The following BANP variants were observed in gnomAD, a reference collection of about 807,000 sequenced individuals.
The protein encoded by BANP is protein BANP.
BANP carries 11 observed loss-of-function variants against 68.1 expected under a neutral mutation model. That is an observed-to-expected ratio of 0.16 (90% CI 0.10 to 0.27). The LOEUF is 0.27. Ranked by LOEUF, BANP falls within the 10% of genes least tolerant of loss-of-function variation. The probability of loss-of-function intolerance (pLI) is 1.00; values close to 1 mark genes in which losing one functional copy is unlikely to be tolerated. For synonymous variants in BANP, 329 were observed against 303.2 expected (o/e 1.09, Z -0.88); for missense variants, 504 against 722.7 (o/e 0.70, Z 3.47).
At chr16:87,964,423 G>A (rs7199429) in intron 1 of BANP, among the ~76,000 whole-genome samples, 98,536 of 152,138 alleles carry the variant, frequency 0.65, 32,384 homozygotes, top group African/African-American at 0.71. Context: ...GCACGTCACC[G>A]TTGCCGAGGC....
At chr16:88,020,956 C>G (rs1009852888) in intron 7 of BANP, among the ~76,000 whole-genome samples, 4 of 152,170 alleles carry the variant, frequency 2.6e-5, no homozygotes, top group African/African-American at 9.7e-5. Flanking sequence ...TTCAGGGAGT[C>G]CATGTAGGGC....
At chr16:87,953,148 AC>A (rs2057325705) in intron 1 of BANP, among the ~76,000 whole-genome samples, 2 of 152,072 alleles carry the variant, frequency 1.3e-5, no homozygotes, top group South Asian at 4.1e-4. Context: ...GCTCAGATTT[AC>A]AGAGCCAGGG....
At chr16:88,050,918 C>T (rs770462317) in intron 11 of BANP, among the ~76,000 whole-genome samples, 20 of 152,280 alleles carry the variant, frequency 1.3e-4, no homozygotes, top group Admixed American at 2.6e-4. Context: ...AACTCCTGCG[C>T]TCAAGCGATC....
intron 12 of BANP, among the ~76,000 whole-genome samples, chr16:88,068,629 G>C (rs2089450737): frequency 6.6e-6 from 1 of 152,160 alleles, no homozygotes; most frequent in Non-Finnish European, 1.5e-5. Flanking sequence ...GCCTCCTCCA[G>C]TGGGCGCCAG....
intron 2 of BANP, 80 bp from the exon 3 acceptor site, chr16:87,980,956 A>T: frequency 2.2e-6 from 2 of 926,672 alleles, no homozygotes; most frequent in South Asian, 2.7e-5. Context: ...AGGTGTCAGC[A>T]CTGTTTACTA....
intron 11 of BANP, 143 bp from the exon 12 acceptor site, chr16:88,065,124 G>A (rs2088144811): frequency 1.9e-6 from 1 of 524,374 alleles, no homozygotes; most frequent in East Asian, 3.2e-5. Flanking sequence ...GGAGGCTCCT[G>A]TGGCTGCCAT....
chr16:87,990,264 A>G (rs896393498), intron 4 of BANP, among the ~76,000 whole-genome samples: 46 of 152,342 alleles, frequency 3.0e-4, no homozygotes, highest in African/African-American at 1.1e-3. Context: ...ATTTTACAAC[A>G]ATTATAAACC....
rs1284635754 is a variant in BANP, at chr16:88,036,635, G to A, written c.1272+1241G>A. 6.6e-6 allele frequency among the ~76,000 whole-genome samples: 1 copy of A among 152,162 alleles called. No homozygotes were observed. The highest frequency in any genetic ancestry group is 2.1e-4 in the South Asian group (1 of 4,832). ...GTTCTGAGGGCGGAATGAGGATGAGGTGAAAGGGGAGGAACGAATTCATGT... is the reference window on the plus strand; with the variant it reads ...GTTCTGAGGGCGGAATGAGGATGAGATGAAAGGGGAGGAACGAATTCATGT... On this transcript the variant is annotated intron_variant, in intron 10 of 13. Transcript: ENST00000682872. The surrounding 1 kb of genome is among the most constrained non-coding windows in gnomAD (Gnocchi z 4.2).
Position 88,052,744 on chromosome 16 carries a change from A to T in BANP, c.1312-12523A>T, listed in dbSNP as rs1007571904. On this transcript the variant is annotated intron_variant, in intron 11 of 13. Transcript: ENST00000682872. ...CAACCCAACCACCCTAACCACTACC[A>T]CCACCACCTTTACCATTACCATCTC... Among the ~76,000 whole-genome samples the T allele has an allele frequency of 4.0e-5, 6 of 151,540 alleles. No individual in the cohort carries two copies. In the East Asian group the frequency reaches 9.7e-4, roughly 24 times the overall value.
intron 4 of BANP, among the ~76,000 whole-genome samples, chr16:87,994,151 TG>T (rs1265597526): frequency 6.6e-5 from 10 of 152,336 alleles, no homozygotes; most frequent in Middle Eastern, 3.4e-3. Flanking sequence ...CGAAGGGCCC[TG>T]GGCGGCTTTT....
chr16:88,037,172 C>G (rs1173500773), intron 10 of BANP: 1 of 152,200 alleles, frequency 6.6e-6, no homozygotes, highest in Non-Finnish European at 1.5e-5. Flanking sequence ...AAAAACAACA[C>G]ACATTTGCTT....
At chr16:88,069,448 G>A (rs1418965212) in intron 12 of BANP, among the ~76,000 whole-genome samples, 1 of 152,208 alleles carries the variant, frequency 6.6e-6, no homozygotes, top group Non-Finnish European at 1.5e-5. Context: ...CCCTCACAGA[G>A]TCCCCGCCTT....
At chr16:87,975,334 GTCGGC>G in intron 2 of BANP, 149 bp downstream of exon 2, 1 of 775,056 alleles carries the variant, frequency 1.3e-6, no homozygotes. Flanking sequence ...TGTGAACACT[GTCGGC>G]CCCTCCCTTC....
intron 4 of BANP, among the ~76,000 whole-genome samples, chr16:87,993,790 G>A (rs1403044103): frequency 2.0e-5 from 3 of 152,028 alleles, no homozygotes; most frequent in Non-Finnish European, 2.9e-5. Context: ...TATTACAGAC[G>A]GGGTTTCACC....
chr16:87,967,532 C>T (rs573424110), intron 1 of BANP, among the ~76,000 whole-genome samples: 1 of 151,836 alleles, frequency 6.6e-6, no homozygotes, highest in South Asian at 2.1e-4. Flanking sequence ...CTCAGCTCAC[C>T]GCAAACTCTG....
chr16:88,037,599 A>T (rs908669660), intron 10 of BANP: 3 of 283,800 alleles, frequency 1.1e-5, no homozygotes, highest in Admixed American at 1.0e-4. Context: ...CAGCTCAGCA[A>T]GGCGTCCCCC....
upstream of BANP, chr16:87,950,305 A>G (rs2144191884): frequency 6.6e-6 from 1 of 152,374 alleles, no homozygotes; most frequent in South Asian, 2.1e-4. Context: ...AGGCAAGGTA[A>G]TCCTAGATTA....
At chr16:88,063,100 C>G (rs1160338949) in intron 11 of BANP, among the ~76,000 whole-genome samples, 1 of 152,266 alleles carries the variant, frequency 6.6e-6, no homozygotes, top group Non-Finnish European at 1.5e-5. Context: ...TGGAGGTGCC[C>G]TCAGCCTGCA....
At chr16:87,999,502 A>C (rs569918332) in intron 4 of BANP, among the ~76,000 whole-genome samples, 38 of 12,050 alleles carry the variant, frequency 3.2e-3, no homozygotes, top group Non-Finnish European at 5.0e-3. Flanking sequence ...CCATGCACGC[A>C]CGTGCGCGGC....
Sources: allele counts gnomAD v4.1 joint callset (sites outside exome capture counted in the v4.1 genomes callset), GRCh38; gene constraint gnomAD v4.1.1; non-coding constraint Gnocchi (gnomAD v3.1); transcripts MANE v1.5; gene names NCBI Gene and HGNC (gene_info 2026-07-23, HGNC 2026-07-21).